The following UXS1 variants were observed in gnomAD, a reference collection of about 807,000 sequenced individuals.
The protein encoded by UXS1 is UDP-glucuronate decarboxylase 1, also known as UDP-glucuronic acid decarboxylase 1.
In UXS1, 33 loss-of-function variants were observed where a neutral mutation model predicts 62.6. The observed-to-expected ratio is 0.53, with a 90% CI of 0.40 to 0.70. The LOEUF (loss-of-function observed/expected upper bound fraction) is 0.70, where lower values mean the gene tolerates loss of function less well. Ranked by LOEUF, UXS1 falls within the 30% of genes least tolerant of loss-of-function variation. The pLI is 0.00. For missense variants in UXS1, 434 were observed against 556.3 expected, an observed-to-expected ratio of 0.78 and a Z score of 2.21; for synonymous variants, 213 against 206.8, an observed-to-expected ratio of 1.03 and a Z score of -0.26.
At chr2:106,193,548 C>A (rs1558768062) in intron 1 of UXS1, among the ~76,000 whole-genome samples, 1 of 152,104 alleles carries the variant, frequency 6.6e-6, no homozygotes, top group Non-Finnish European at 1.5e-5. Flanking sequence ...CTGCTTCGCC[C>A]GGCCGCCGAG....
intron 9 of UXS1, among the ~76,000 whole-genome samples, chr2:106,116,439 C>T (rs1448757083): frequency 6.6e-6 from 1 of 152,164 alleles, no homozygotes; most frequent in African/African-American, 2.4e-5. Context: ...TGACAGACTC[C>T]ATCTTGCTGT....
At chr2:106,186,466 A>ACACACACC (rs1280146307) in intron 1 of UXS1, among the ~76,000 whole-genome samples, 1 of 151,618 alleles carries the variant, frequency 6.6e-6, no homozygotes, top group Non-Finnish European at 1.5e-5. Flanking sequence ...ATACACACAC[A>ACACACACC]CACACACACA....
intron 9 of UXS1, among the ~76,000 whole-genome samples, chr2:106,122,327 C>T (rs1299843558): frequency 6.6e-6 from 1 of 152,220 alleles, no homozygotes; most frequent in Admixed American, 6.5e-5. Context: ...TTCATTGGCT[C>T]CTGCACCACC....
At chr2:106,146,429 T>C (rs1681571732) in intron 5 of UXS1, among the ~76,000 whole-genome samples, 1 of 152,158 alleles carries the variant, frequency 6.6e-6, no homozygotes, top group African/African-American at 2.4e-5. Flanking sequence ...AAACTCCTGT[T>C]TAAAATAAAT....
At chr2:106,153,010 G>A (rs1162330109) in intron 5 of UXS1, among the ~76,000 whole-genome samples, 2 of 152,316 alleles carry the variant, frequency 1.3e-5, no homozygotes, top group East Asian at 3.9e-4. Flanking sequence ...TCTCCCTAAA[G>A]GGAGTTGACT....
chr2:106,145,417 A>G (rs1681486767), intron 5 of UXS1, 47 bp from the exon 6 acceptor site: 1 of 1,563,204 alleles, frequency 6.4e-7, no homozygotes, highest in African/African-American at 1.4e-5. Context: ...AAAGCACATG[A>G]GAACACAGTG....
intron 7 of UXS1, among the ~76,000 whole-genome samples, chr2:106,127,221 G>A (rs1680031906): frequency 6.6e-6 from 1 of 152,186 alleles, no homozygotes; most frequent in South Asian, 2.1e-4. Flanking sequence ...AGGTTTTCAT[G>A]TGAACATAAA....
At chr2:106,190,572 C>T (rs768567192) in intron 1 of UXS1, among the ~76,000 whole-genome samples, 1 of 151,530 alleles carries the variant, frequency 6.6e-6, no homozygotes, top group Non-Finnish European at 1.5e-5. Context: ...ATGGAGAAAC[C>T]GTCTCTACTA....
chr2:106,187,004 G>A (rs1006013136), intron 1 of UXS1, among the ~76,000 whole-genome samples: 1 of 151,836 alleles, frequency 6.6e-6, no homozygotes, highest in African/African-American at 2.4e-5. Context: ...AGTACTTGAA[G>A]GTGAAGTACT....
At chr2:106,123,938 G>A (rs1679725826) in intron 8 of UXS1, among the ~76,000 whole-genome samples, 1 of 152,122 alleles carries the variant, frequency 6.6e-6, no homozygotes, top group Non-Finnish European at 1.5e-5. Flanking sequence ...GGGACTCAGT[G>A]GGCCTGAGCA....
chr2:106,102,881 A>C (rs1464636282), intron 11 of UXS1: 1 of 152,276 alleles, frequency 6.6e-6, no homozygotes, highest in Non-Finnish European at 1.5e-5. Flanking sequence ...CTGAAGCCTC[A>C]TCATCTCAGA....
intron 6 of UXS1, among the ~76,000 whole-genome samples, chr2:106,137,166 G>A (rs1319740599): frequency 6.6e-6 from 1 of 152,116 alleles, no homozygotes; most frequent in East Asian, 1.9e-4. Flanking sequence ...TGCGACTGCT[G>A]TTCCCACCCC....
chr2:106,101,146 C>T (rs1158972844), intron 11 of UXS1, 28 bp from the exon 12 acceptor site: 11 of 1,613,018 alleles, frequency 6.8e-6, no homozygotes, highest in Non-Finnish European at 9.3e-6. Flanking sequence ...GCAGGTGAGG[C>T]TCTGCCTGCT....
chr2:106,100,940 A>G, intron 12 of UXS1, 118 bp downstream of exon 12: 1 of 1,283,056 alleles, frequency 7.8e-7, no homozygotes, highest in Non-Finnish European at 1.1e-6. Context: ...GCAAGCAACA[A>G]ACACAAATGT....
At chr2:106,109,900 G>C (rs888403198) in intron 10 of UXS1, among the ~76,000 whole-genome samples, 7 of 152,206 alleles carry the variant, frequency 4.6e-5, no homozygotes, top group South Asian at 2.1e-4. Context: ...CTTCACCTCA[G>C]AAGTGACTTG....
intron 7 of UXS1, among the ~76,000 whole-genome samples, chr2:106,126,821 T>C (rs138700005): frequency 1.3e-5 from 2 of 152,320 alleles, no homozygotes; most frequent in African/African-American, 4.8e-5. Flanking sequence ...CTATTTCCAC[T>C]GAAACGGACA....
At chr2:106,155,263 CT>C (rs1349814695) in intron 5 of UXS1, among the ~76,000 whole-genome samples, 1 of 152,094 alleles carries the variant, frequency 6.6e-6, no homozygotes. Flanking sequence ...AGTCAAGAAT[CT>C]TATATACGAC....
chr2:106,170,768 T>C (rs1683506306), intron 1 of UXS1, among the ~76,000 whole-genome samples: 1 of 152,240 alleles, frequency 6.6e-6, no homozygotes, highest in African/African-American at 2.4e-5. Flanking sequence ...TTTAGTTTTG[T>C]GTAGAGTAGC....
At chr2:106,105,722 G>A (rs976679583) in intron 10 of UXS1, among the ~76,000 whole-genome samples, 5 of 152,326 alleles carry the variant, frequency 3.3e-5, no homozygotes, top group Non-Finnish European at 4.4e-5. Context: ...AATGACCTGC[G>A]GAGCGCCACG....
Sources: allele counts gnomAD v4.1 joint callset (sites outside exome capture counted in the v4.1 genomes callset), GRCh38; gene constraint gnomAD v4.1.1; transcripts MANE v1.5; gene names NCBI Gene and HGNC (gene_info 2026-07-23, HGNC 2026-07-21).